Variants in UNC13C observed in about 807,000 individuals in gnomAD.
The protein encoded by UNC13C is protein unc-13 homolog C.
A neutral mutation model predicts 245.4 loss-of-function variants in UNC13C; 174 were observed. That is an observed-to-expected ratio of 0.71 (90% CI 0.63 to 0.80). UNC13C has a LOEUF of 0.80. Ranked by LOEUF, UNC13C falls within the 30% of genes least tolerant of loss-of-function variation. The pLI, the probability that UNC13C is intolerant of heterozygous loss-of-function variation, is 0.00. For synonymous variants in UNC13C, 992 were observed against 895.1 expected, an observed-to-expected ratio of 1.11 and a Z score of -1.93; for missense variants, 2,829 against 2,602.9, an observed-to-expected ratio of 1.09 and a Z score of -1.89.
At chr15:54,264,100 C>T in intron 8 of UNC13C, 68 bp from the exon 9 acceptor site, 2 of 1,470,500 alleles carry the variant, frequency 1.4e-6, no homozygotes, top group Middle Eastern at 1.7e-4. Flanking sequence ...CCTCCTTTTC[C>T]TCCCTCCTTT....
intron 26 of UNC13C, among the ~76,000 whole-genome samples, chr15:54,541,094 A>C (rs908277030): frequency 3.9e-5 from 6 of 152,182 alleles, no homozygotes; most frequent in African/African-American, 1.4e-4. Context: ...TTCCACATAC[A>C]TGCCTCAGGG....
chr15:54,522,433 G>A (rs146850898), intron 24 of UNC13C, among the ~76,000 whole-genome samples: 6,540 of 151,992 alleles, frequency 0.043, 494 homozygotes, highest in African/African-American at 0.15. Context: ...AGCCAAGATC[G>A]GGCCACTGCA....
intron 2 of UNC13C, among the ~76,000 whole-genome samples, chr15:54,135,327 T>C (rs1015373517): frequency 1.3e-5 from 2 of 152,228 alleles, no homozygotes; most frequent in Non-Finnish European, 2.9e-5. Flanking sequence ...TATGTTTTAT[T>C]TTGTTGCCTG....
Position 54,033,224 on chromosome 15 carries a change from T to TA in UNC13C, c.2983+17347dup, listed in dbSNP as rs534003594. Among the ~76,000 whole-genome samples, 547 of 151,034 alleles carry TA rather than the reference T, an allele frequency of 3.6e-3. 2 individuals are homozygous for TA. Among genetic ancestry groups the TA allele is most frequent in the Admixed American group, 5.9e-3 (89 of 15,166 alleles). The stretch of plus-strand genomic sequence containing the variant: ...GCCTCAGAACCCACCCCTTAGTTTA[T>TA]AAAAAAAAAGATACAAATAAAAAAT... On this transcript the variant is annotated intron_variant, in intron 2 of 32. Transcript: ENST00000260323.
At chr15:54,466,562 G>C (rs72736523) in intron 19 of UNC13C, among the ~76,000 whole-genome samples, 1,961 of 151,994 alleles carry the variant, frequency 0.013, 11 homozygotes, top group Middle Eastern at 0.02. Context: ...ATTTGCCTGT[G>C]GAAGTAAATT....
the UNC13C span, among the ~76,000 whole-genome samples, chr15:53,878,613 G>A: frequency 6.6e-5 from 10 of 151,984 alleles, no homozygotes; most frequent in Admixed American, 2.0e-4. Flanking sequence ...CTTCTTGTCT[G>A]TGCTGCTGTT....
At chr15:54,456,702 T>G (rs1397818841) in intron 19 of UNC13C, among the ~76,000 whole-genome samples, 1 of 152,000 alleles carries the variant, frequency 6.6e-6, no homozygotes, top group East Asian at 1.9e-4. Context: ...TGTATAGCAA[T>G]GCTCCTAATT....
intron 25 of UNC13C, among the ~76,000 whole-genome samples, chr15:54,526,892 A>C (rs1895493344): frequency 6.6e-6 from 1 of 152,208 alleles, no homozygotes; most frequent in African/African-American, 2.4e-5. Flanking sequence ...GAAAGACAAA[A>C]GACTCTGAAA....
chr15:54,190,862 G>A (rs949412791), intron 4 of UNC13C, among the ~76,000 whole-genome samples: 1 of 151,866 alleles, frequency 6.6e-6, no homozygotes, highest in Non-Finnish European at 1.5e-5. Context: ...TTTATAATCT[G>A]TTTTGTTCTC....
At chr15:54,445,460 C>G (rs1890756799) in intron 19 of UNC13C, among the ~76,000 whole-genome samples, 1 of 152,114 alleles carries the variant, frequency 6.6e-6, no homozygotes, top group South Asian at 2.1e-4. Context: ...CTCTCCAGCA[C>G]CTGTTGTTTC....
At chr15:54,098,035 A>G (rs1303932172) in intron 2 of UNC13C, among the ~76,000 whole-genome samples, 1 of 152,220 alleles carries the variant, frequency 6.6e-6, no homozygotes. Context: ...TGATTTTGCC[A>G]GTCCAGAGGT....
intron 2 of UNC13C, among the ~76,000 whole-genome samples, chr15:54,094,947 T>C (rs1233084756): frequency 6.6e-6 from 1 of 152,158 alleles, no homozygotes; most frequent in Admixed American, 6.5e-5. Context: ...GAGGTATCTA[T>C]CCTAATAGCT....
At chr15:54,037,181 G>A (rs1176560739) in intron 2 of UNC13C, among the ~76,000 whole-genome samples, 3 of 152,206 alleles carry the variant, frequency 2.0e-5, no homozygotes, top group Non-Finnish European at 4.4e-5. Flanking sequence ...GCTTCCATCT[G>A]TTTTGAGTAC....
At chr15:54,468,254 G>C (rs11071077) in intron 19 of UNC13C, among the ~76,000 whole-genome samples, 67,051 of 151,412 alleles carry the variant, frequency 0.44, 15,165 homozygotes, top group East Asian at 0.72. Context: ...ATATATTCTT[G>C]TGAGAAATGT....
intron 30 of UNC13C, chr15:54,611,717 T>G (rs1307012023): frequency 1.3e-5 from 2 of 152,176 alleles, no homozygotes; most frequent in Non-Finnish European, 2.9e-5. Flanking sequence ...TCAAGCTCTC[T>G]TAATACACGT....
chr15:54,177,003 A>T (rs2033637896), intron 4 of UNC13C, among the ~76,000 whole-genome samples: 1 of 152,142 alleles, frequency 6.6e-6, no homozygotes, highest in African/African-American at 2.4e-5. Flanking sequence ...GGCAGACCGC[A>T]TATGTGATTG....
intron 2 of UNC13C, among the ~76,000 whole-genome samples, chr15:54,026,246 T>G (rs1295770011): frequency 6.6e-6 from 1 of 152,188 alleles, no homozygotes; most frequent in African/African-American, 2.4e-5. Context: ...TGGAGTAGAC[T>G]ATGGCTGAAG....
At chr15:54,215,988 C>A (rs116339916) in intron 4 of UNC13C, among the ~76,000 whole-genome samples, 2,219 of 151,948 alleles carry the variant, frequency 0.015, 58 homozygotes, top group African/African-American at 0.051. Flanking sequence ...ATTAGAAAGT[C>A]AACAAAAAGA....
chr15:54,260,068 CTATT>C lies in UNC13C; in HGVS notation c.3449-4095_3449-4092del, dbSNP rs1275338849. Reference sequence around the variant, plus strand: ...TCGGCTCCCCCAAGAAGTATTTCCTCTATTTATTGAGTGTATGCTAGTTTCCAAA... The same window carrying C: ...TCGGCTCCCCCAAGAAGTATTTCCTCTATTGAGTGTATGCTAGTTTCCAAA... On this transcript the variant is annotated intron_variant, in intron 8 of 32. Coordinates refer to ENST00000260323, the MANE Select transcript of UNC13C (RefSeq NM_001080534.3). Among the ~76,000 whole-genome samples the C allele has an allele frequency of 2.6e-5, 4 of 152,040 alleles. 1 individual carries two copies. The South Asian group carries it at 6.2e-4, about 24-fold the overall frequency.
Sources: allele counts gnomAD v4.1 joint callset (sites outside exome capture counted in the v4.1 genomes callset), GRCh38; gene constraint gnomAD v4.1.1; transcripts MANE v1.5; gene names NCBI Gene and HGNC (gene_info 2026-07-23, HGNC 2026-07-21).